The following MYO16 variants were observed in gnomAD, a reference collection of about 807,000 sequenced individuals.
MYO16 encodes unconventional myosin-XVI.
Under a neutral mutation model 205.3 loss-of-function variants are expected in MYO16, and 94 were observed. The observed-to-expected ratio is 0.46, with a 90% CI of 0.39 to 0.54. The LOEUF is 0.54. MYO16 is among the 20% of genes least tolerant of loss of function. The pLI is 0.00. For synonymous variants in MYO16, 988 were observed against 954.0 expected (o/e 1.04, Z -0.66); for missense variants, 2,315 against 2,387.5 (o/e 0.97, Z 0.63).
At chr13:108,587,492 G>A in the MYO16 span, among the ~76,000 whole-genome samples, 1 of 152,236 alleles carries the variant, frequency 6.6e-6, no homozygotes, top group African/African-American at 2.4e-5. Flanking sequence ...ACCAAACAAT[G>A]TTATGTCAGA....
Position 108,852,033 on chromosome 13 carries a change from C to T in MYO16, c.1249-3410C>T, listed in dbSNP as rs544727288. 1.1e-3 allele frequency among the ~76,000 whole-genome samples: 170 copies of T among 152,268 alleles called. 1 individual carries two copies. The highest frequency in any genetic ancestry group is 2.0e-3 in the Non-Finnish European group (138 of 68,000). On this transcript the variant is annotated intron_variant, in intron 10 of 34. Coordinates refer to ENST00000457511, the MANE Select transcript of MYO16 (RefSeq NM_001198950.3). ...GCCCTCACCATGTCCTTCCCTCTCCCAGAGACATCTCTCCCCACATCCCAC... is the reference window on the plus strand; with the variant it reads ...GCCCTCACCATGTCCTTCCCTCTCCTAGAGACATCTCTCCCCACATCCCAC...
intron 31 of MYO16, among the ~76,000 whole-genome samples, chr13:109,131,866 A>G (rs1343127660): frequency 2.0e-5 from 3 of 152,136 alleles, no homozygotes; most frequent in Non-Finnish European, 2.9e-5. Flanking sequence ...CTCCTGACTG[A>G]AGTTAAATAT....
intron 21 of MYO16, among the ~76,000 whole-genome samples, chr13:108,995,503 T>C (rs962158618): frequency 6.6e-6 from 1 of 152,150 alleles, no homozygotes; most frequent in Non-Finnish European, 1.5e-5. Flanking sequence ...GTTAGTTACA[T>C]AGGTATACAT....
At chr13:108,719,834 A>G (rs74116917) in intron 3 of MYO16, among the ~76,000 whole-genome samples, 10,064 of 152,214 alleles carry the variant, frequency 0.066, 1,079 homozygotes, top group African/African-American at 0.23. Context: ...TCTTAAGAGT[A>G]GTTACTACGT....
chr13:108,665,828 C>A, intron 1 of MYO16, 58 bp from the exon 2 acceptor site: 1 of 1,530,292 alleles, frequency 6.5e-7, no homozygotes, highest in Non-Finnish European at 8.9e-7. Context: ...TGCTGTGGTG[C>A]ACACTTATAG....
At chr13:109,153,858 T>C (rs1877826234) in intron 32 of MYO16, among the ~76,000 whole-genome samples, 1 of 152,210 alleles carries the variant, frequency 6.6e-6, no homozygotes, top group Non-Finnish European at 1.5e-5. Context: ...GGCCACCTCA[T>C]GGTGTCTTCC....
intron 32 of MYO16, among the ~76,000 whole-genome samples, chr13:109,154,055 G>A (rs895210886): frequency 3.3e-5 from 5 of 152,226 alleles, no homozygotes; most frequent in Non-Finnish European, 7.3e-5. Flanking sequence ...AGATGCAACC[G>A]CTACGGCTAT....
At chr13:108,849,283 C>T (rs1037772973) in intron 10 of MYO16, among the ~76,000 whole-genome samples, 14 of 152,134 alleles carry the variant, frequency 9.2e-5, no homozygotes, top group East Asian at 7.7e-4. Context: ...CTCCGCCTCC[C>T]GGGTTCAAGC....
At chr13:108,801,983 T>C (rs976609118) in intron 6 of MYO16, among the ~76,000 whole-genome samples, 8 of 152,312 alleles carry the variant, frequency 5.3e-5, no homozygotes, top group Middle Eastern at 3.4e-3. Flanking sequence ...CAAATAATAC[T>C]TATATGCATT....
chr13:108,496,100 G>T, the MYO16 span, among the ~76,000 whole-genome samples: 1 of 152,168 alleles, frequency 6.6e-6, no homozygotes, highest in East Asian at 1.9e-4. Flanking sequence ...CAGAGTTCCC[G>T]CACGGTGAGG....
At chr13:109,129,797 C>A (rs1876440720) in intron 31 of MYO16, among the ~76,000 whole-genome samples, 1 of 152,078 alleles carries the variant, frequency 6.6e-6, no homozygotes, top group Non-Finnish European at 1.5e-5. Context: ...ACCCTGCAAA[C>A]AGGCTCTAGA....
intron 3 of MYO16, among the ~76,000 whole-genome samples, chr13:108,726,632 A>G (rs1179725338): frequency 6.6e-6 from 1 of 152,146 alleles, no homozygotes; most frequent in African/African-American, 2.4e-5. Context: ...GCCAATGCAA[A>G]TAAATATCTG....
At chr13:108,857,318 C>T (rs1027824216) in intron 11 of MYO16, among the ~76,000 whole-genome samples, 3 of 152,186 alleles carry the variant, frequency 2.0e-5, no homozygotes, top group African/African-American at 7.2e-5. Flanking sequence ...AAAAGCCAAA[C>T]ACCAGAGACA....
intron 6 of MYO16, among the ~76,000 whole-genome samples, chr13:108,796,711 G>A (rs1379548994): frequency 7.0e-6 from 1 of 143,250 alleles, no homozygotes; most frequent in Non-Finnish European, 1.5e-5. Flanking sequence ...GGTGGGAATT[G>A]AATAATGAGA....
chr13:109,043,897 G>C (rs1886960549), intron 23 of MYO16, among the ~76,000 whole-genome samples: 1 of 152,162 alleles, frequency 6.6e-6, no homozygotes, highest in South Asian at 2.1e-4. Context: ...CATCTTCTGA[G>C]AATGAGCCAA....
chr13:108,562,333 T>G, the MYO16 span, among the ~76,000 whole-genome samples: 1 of 152,238 alleles, frequency 6.6e-6, no homozygotes, highest in East Asian at 1.9e-4. Context: ...ACCATCACAT[T>G]GGGGTTAGTA....
In MYO16 at chr13:108,714,621, TAG is replaced by T. The variant is rs908183315; in HGVS notation, c.363+1902_363+1903del. ...GTGTGTGTGTGTGTGTGTATATATA[TAG>T]AGAGAGAGAGATTAGATATGTTAAT... On this transcript the variant is annotated intron_variant, in intron 3 of 34. Transcript: ENST00000457511. Among the ~76,000 whole-genome samples the T allele has an allele frequency of 8.3e-3, 1,175 of 140,890 alleles. 16 individuals are homozygous for T. The highest frequency in any genetic ancestry group is 0.027 in the African/African-American group (1,092 of 39,836). 92.4% of individuals were successfully genotyped at this position (140,890 alleles called of 152,430 possible).
At chr13:108,968,430 C>T (rs538032675) in intron 20 of MYO16, among the ~76,000 whole-genome samples, 3 of 152,038 alleles carry the variant, frequency 2.0e-5, no homozygotes, top group South Asian at 2.1e-4. Context: ...AACAACATGG[C>T]GAAACCCCAT....
intron 23 of MYO16, among the ~76,000 whole-genome samples, chr13:109,042,158 T>C (rs756150557): frequency 2.0e-5 from 3 of 152,202 alleles, no homozygotes; most frequent in Admixed American, 6.5e-5. Flanking sequence ...GCCACTGGGC[T>C]GGGCCCTCAA....
Sources: allele counts gnomAD v4.1 joint callset (sites outside exome capture counted in the v4.1 genomes callset), GRCh38; gene constraint gnomAD v4.1.1; transcripts MANE v1.5; gene names NCBI Gene and HGNC (gene_info 2026-07-23, HGNC 2026-07-21).